ZNF680: variants seen among roughly 807,000 people sequenced by gnomAD.
ZNF680 encodes the protein hypothetical protein FLJ90430.
ZNF680 carries 6 observed loss-of-function variants against 12.1 expected under a neutral mutation model. The observed-to-expected ratio is 0.49, with a 90% CI of 0.27 to 0.98. The LOEUF (loss-of-function observed/expected upper bound fraction) is 0.98, where lower values mean the gene tolerates loss of function less well. Ranked by LOEUF, ZNF680 falls within the 50% of genes least tolerant of loss-of-function variation. ZNF680 has a pLI of 0.12. For synonymous variants in ZNF680, 170 were observed against 199.3 expected (o/e 0.85, Z 1.24); for missense variants, 561 against 616.3 (o/e 0.91, Z 0.95).
Position 64,522,414 on chromosome 7 carries a change from T to C in ZNF680, c.340A>G (p.Lys114Glu). 6.2e-7 allele frequency: 1 copy of C among 1,611,436 alleles called. No individual in the cohort carries two copies. Among genetic ancestry groups the C allele is most frequent in the Non-Finnish European group, 8.5e-7 (1 of 1,178,770 alleles). ...AATTGTAAATTCTCATGTCCACATT[T>C]TCCATATCCTCTCAGTATCACTTTT... Reference protein sequence around the residue: ...FQKVILRGYGKCGHENLQLRI... With the variant: ...FQKVILRGYGECGHENLQLRI... Residue 114 changes from lysine (K) to glutamate (E), a missense_variant, in exon 4 of 4, where the codon AAA becomes GAA. Lys to Glu is a moderately conservative substitution (Grantham distance 56). Transcript: ENST00000309683.
At chr7:64,517,201 T>TAG (rs760523426), downstream of ZNF680, among the ~76,000 whole-genome samples, 24 of 151,920 alleles carry the variant, frequency 1.6e-4, no homozygotes, top group Non-Finnish European at 2.9e-4. Flanking sequence ...GATGGACCAT[T>TAG]AGCAAGATTA....
At chr7:64,507,009 A>C in the ZNF680 span, among the ~76,000 whole-genome samples, 2 of 152,350 alleles carry the variant, frequency 1.3e-5, no homozygotes, top group African/African-American at 4.8e-5. Context: ...TTTAACACAG[A>C]AATATTTTTC....
intron 1 of ZNF680, among the ~76,000 whole-genome samples, chr7:64,549,431 G>C (rs1395642264): frequency 1.3e-5 from 2 of 152,186 alleles, no homozygotes; most frequent in African/African-American, 4.8e-5. Flanking sequence ...TCTCAAAAGG[G>C]AACTTTAAGA....
intron 3 of ZNF680, among the ~76,000 whole-genome samples, chr7:64,531,822 T>C (rs6964427): frequency 0.23 from 34,265 of 151,898 alleles, 4,058 homozygotes; most frequent in South Asian, 0.29. Context: ...TAGCCCTAAA[T>C]GCCTACATCA....
chr7:64,541,742 C>T (rs1259441520), intron 3 of ZNF680, among the ~76,000 whole-genome samples: 1 of 152,144 alleles, frequency 6.6e-6, no homozygotes, highest in Admixed American at 6.5e-5. Context: ...TCTAATCATC[C>T]CAAACTCCTC....
At position 64,521,799 on chromosome 7, in the gene ZNF680, C is replaced by A; in HGVS notation, c.955G>T (p.Glu319Ter). 1 of 1,613,250 alleles carries A rather than the reference C, an allele frequency of 6.2e-7. No homozygotes were observed. The highest frequency in any genetic ancestry group is 1.1e-5 in the South Asian group (1 of 91,056). ...CATTCTTCACATTTGAAGGGTTTCT[C>A]TCCAGTATGAATTCTCTTATGGTTA... ...LTNHKRIHTG[E>*]KPFKCEECGK... Residue 319 changes from glutamate to a stop codon, truncating the protein, a stop_gained, in exon 4 of 4, where the codon GAG (glutamate) becomes TAG (stop). Transcript: ENST00000309683. LOFTEE classifies it low-confidence loss of function (END_TRUNC).
intron 1 of ZNF680, among the ~76,000 whole-genome samples, chr7:64,546,226 C>T (rs1383892050): frequency 6.6e-6 from 1 of 152,178 alleles, no homozygotes; most frequent in Non-Finnish European, 1.5e-5. Flanking sequence ...ACCAATTCTT[C>T]CTGTTTCTCC....
rs1037815463 is a variant in ZNF680 at position 64,522,932 on chromosome 7, G to GA, written c.254-433dup. On this transcript the variant is annotated intron_variant, in intron 3 of 3. Transcript: ENST00000309683. ...ATCAGCAAATCTGTCCTACAAAATG[G>GA]AAAAAAAAAAGAAAAAACTTCCAAA... Among the ~76,000 whole-genome samples, 686 of 145,778 alleles carry GA rather than the reference G, an allele frequency of 4.7e-3. 2 individuals carry two copies. Among genetic ancestry groups the GA allele is most frequent in the Middle Eastern group, 0.018 (5 of 280 alleles).
the ZNF680 span, among the ~76,000 whole-genome samples, chr7:64,511,562 T>TA: frequency 3.3e-5 from 5 of 151,348 alleles, no homozygotes; most frequent in East Asian, 1.9e-4. Flanking sequence ...GCTTTGCTGC[T>TA]AAAAAAAATC....
chr7:64,527,941 G>A (rs1791957607), intron 3 of ZNF680, among the ~76,000 whole-genome samples: 1 of 152,218 alleles, frequency 6.6e-6, no homozygotes, highest in Admixed American at 6.5e-5. Context: ...GAAGCAGACT[G>A]CTCCTACAGG....
At chr7:64,506,864 A>T in the ZNF680 span, among the ~76,000 whole-genome samples, 1 of 152,206 alleles carries the variant, frequency 6.6e-6, no homozygotes, top group Non-Finnish European at 1.5e-5. Flanking sequence ...AAATGAGGGT[A>T]ATAATGATAC....
intron 1 of ZNF680, among the ~76,000 whole-genome samples, chr7:64,556,071 G>GA (rs1787398476): frequency 6.6e-6 from 1 of 151,586 alleles, no homozygotes; most frequent in Non-Finnish European, 1.5e-5. Flanking sequence ...TCAGGGAGGT[G>GA]AAAAATCTCT....
rs774118652 is a variant in ZNF680, at chr7:64,550,521, A to G, written c.31-6089T>C. 7.2e-5 allele frequency among the ~76,000 whole-genome samples: 11 copies of G among 152,202 alleles called. 1 individual carries two copies. The highest frequency in any genetic ancestry group is 6.5e-5 in the Admixed American group (1 of 15,274). On this transcript the variant is annotated intron_variant, in intron 1 of 3. Coordinates refer to ENST00000309683, the MANE Select transcript of ZNF680 (RefSeq NM_178558.5). ...TGGAGTAGTAGCAGGTGTCACCTGC[A>G]GATTTATGGACATTTTAGCAACACG...
intron 3 of ZNF680, among the ~76,000 whole-genome samples, chr7:64,540,701 G>A (rs1447307932): frequency 1.3e-5 from 2 of 152,054 alleles, no homozygotes; most frequent in African/African-American, 2.4e-5. Context: ...ACAATAAACT[G>A]ATGTTTAAAA....
At chr7:64,503,527 C>T in the ZNF680 span, among the ~76,000 whole-genome samples, 1 of 151,990 alleles carries the variant, frequency 6.6e-6, no homozygotes. Flanking sequence ...ATTATAGGCA[C>T]ACGCTACCAC....
At chr7:64,501,574 A>G in the ZNF680 span, 1 of 750,900 alleles carries the variant, frequency 1.3e-6, no homozygotes, top group Non-Finnish European at 2.4e-6. Context: ...GTGAAGTCTG[A>G]GGGGGGCGCA....
At chr7:64,552,212 T>A (rs978878009) in intron 1 of ZNF680, 13 of 152,106 alleles carry the variant, frequency 8.5e-5, no homozygotes, top group African/African-American at 3.1e-4. Context: ...TGCCACCATA[T>A]CCAGCTAATT....
At chr7:64,541,757 C>A (rs981287739) in intron 3 of ZNF680, among the ~76,000 whole-genome samples, 1 of 152,188 alleles carries the variant, frequency 6.6e-6, no homozygotes, top group African/African-American at 2.4e-5. Flanking sequence ...CTCCTCCCAG[C>A]CACAGTCTGG....
chr7:64,554,779 C>A (rs1484283546), intron 1 of ZNF680, among the ~76,000 whole-genome samples: 1 of 152,056 alleles, frequency 6.6e-6, no homozygotes, highest in African/African-American at 2.4e-5. Flanking sequence ...TAAACAGATG[C>A]TTGAAGGCGG....
Sources: gnomAD v4.1 joint callset for allele counts (sites outside exome capture counted in the v4.1 genomes callset) on GRCh38, gnomAD v4.1.1 for gene constraint, MANE v1.5 for transcripts, NCBI Gene and HGNC (gene_info 2026-07-23, HGNC 2026-07-21) for gene names.